ZNF469: variants seen among roughly 807,000 people sequenced by gnomAD.
The protein encoded by ZNF469 is zinc finger protein 469.
ZNF469 carries 1 observed loss-of-function variant against 1.0 expected under a neutral mutation model. The observed-to-expected ratio is 1.00, with a 90% CI of 0.35 to 4.73. ZNF469 has a LOEUF of 4.73. ZNF469 is among the 30% of genes most tolerant of loss of function. ZNF469 has a pLI of 0.16. For synonymous variants in ZNF469, 2,703 were observed against 2,363.4 expected, an observed-to-expected ratio of 1.14 and a Z score of -4.17; for missense variants, 6,100 against 5,356.3, an observed-to-expected ratio of 1.14 and a Z score of -4.33.
chr16:88,144,731 A>G, the ZNF469 span, among the ~76,000 whole-genome samples: 2 of 152,194 alleles, frequency 1.3e-5, no homozygotes, highest in African/African-American at 4.8e-5. Context: ...AGCCTCAGAC[A>G]GTGAAGTGAG....
rs929128705 is a variant in ZNF469, at chr16:88,437,549, G to T, written c.10079G>T (p.Ser3360Ile). 146 of 1,540,162 alleles carry T rather than the reference G, an allele frequency of 9.5e-5. No individual in the cohort carries two copies. The highest frequency in any genetic ancestry group is 1.7e-4 in the East Asian group (7 of 40,492). Reference protein sequence around the residue: ...FKLQRHLAVHSPQRVYLCPRC... With the variant: ...FKLQRHLAVHIPQRVYLCPRC... ...CTGCAGCGCCACCTGGCGGTGCACAGCCCGCAGCGCGTCTACCTGTGCCCC... is the reference window on the plus strand; with the variant it reads ...CTGCAGCGCCACCTGGCGGTGCACATCCCGCAGCGCGTCTACCTGTGCCCC... Residue 3360 changes from serine to isoleucine, a missense_variant, in exon 3 of 3, where the codon AGC (serine) becomes ATC (isoleucine). Transcript: ENST00000565624.
At chr16:88,164,888 T>C in the ZNF469 span, among the ~76,000 whole-genome samples, 1 of 152,178 alleles carries the variant, frequency 6.6e-6, no homozygotes, top group South Asian at 2.1e-4. Context: ...TGGGGTTGGA[T>C]CACAGTCTAC....
intron 1 of ZNF469, among the ~76,000 whole-genome samples, chr16:88,417,603 C>T (rs1905339081): frequency 6.6e-6 from 1 of 152,234 alleles, no homozygotes; most frequent in East Asian, 1.9e-4. Context: ...CGCACATGGT[C>T]CCTCTTCCTA....
At position 88,427,798 on chromosome 16, in the gene ZNF469, G is replaced by T; in HGVS notation, c.328G>T (p.Gly110Cys). 1 of 1,547,654 alleles carries T rather than the reference G, an allele frequency of 6.5e-7. No homozygotes were observed. The highest frequency in any genetic ancestry group is 8.7e-7 in the Non-Finnish European group (1 of 1,146,760). The change falls in exon 3 of 3, where the codon GGC becomes TGC. Residue 110 changes from glycine to cysteine, a missense_variant. Gly to Cys is a radical substitution (Grantham distance 159, BLOSUM62 -3). Transcript: ENST00000565624. ...CTTGCAGGCTCCCTCAAGGCTGGCG[G>T]GCAGGGCAGAGGGCAGCCCCCCACA... Reference protein sequence around the residue: ...SPLQAPSRLAGRAEGSPPQRY... With the variant: ...SPLQAPSRLACRAEGSPPQRY...
chr16:88,422,281 A>AATAGATGGATGGATGG (rs1905489853), intron 1 of ZNF469, among the ~76,000 whole-genome samples: 1 of 121,790 alleles, frequency 8.2e-6, no homozygotes, highest in African/African-American at 3.4e-5. Context: ...ATAGGTGGGT[A>AATAGATGGATGGATGG]ATGGATGGAT....
chr16:88,267,803 G>A, the ZNF469 span, among the ~76,000 whole-genome samples: 4 of 151,918 alleles, frequency 2.6e-5, no homozygotes, highest in Admixed American at 2.6e-4. Context: ...GGGCTGTTTG[G>A]GATAATGCAG....
chr16:88,277,498 G>A, the ZNF469 span, among the ~76,000 whole-genome samples: 12 of 122,412 alleles, frequency 9.8e-5, no homozygotes, highest in East Asian at 4.9e-4. Flanking sequence ...GCTGACACTC[G>A]GTCAGTACCG....
Position 88,395,914 on chromosome 16 carries a change from C to T in ZNF469, c.-192+12660C>T, listed in dbSNP as rs978837202. On this transcript the variant is annotated intron_variant, in intron 1 of 2. Transcript: ENST00000565624. ...CCATGCCCGTCTTCTGCACCTGTCC[C>T]GAGGGTCCTGACCCTGGGCCACCCC... is the stretch of plus-strand genomic sequence containing the variant. Among the ~76,000 whole-genome samples the T allele has an allele frequency of 3.3e-5, 5 of 152,342 alleles. No homozygotes were observed. In the South Asian group the frequency reaches 8.3e-4, roughly 25 times the overall value.
intron 1 of ZNF469, among the ~76,000 whole-genome samples, chr16:88,385,034 T>C (rs1006279811): frequency 3.9e-5 from 6 of 152,170 alleles, no homozygotes; most frequent in African/African-American, 1.4e-4. Context: ...ATAATTTTAA[T>C]AGGGATGGTC....
chr16:88,123,409 T>A, the ZNF469 span, among the ~76,000 whole-genome samples: 19 of 152,206 alleles, frequency 1.2e-4, no homozygotes, highest in African/African-American at 4.3e-4. Flanking sequence ...CACCTGTCGA[T>A]GAAGATTTGG....
At chr16:88,351,960 C>T in the ZNF469 span, among the ~76,000 whole-genome samples, 1 of 152,224 alleles carries the variant, frequency 6.6e-6, no homozygotes, top group Non-Finnish European at 1.5e-5. Context: ...AGGGAGGCCC[C>T]TCCGCCCCGA....
At chr16:88,409,810 G>A (rs1198029339) in intron 1 of ZNF469, among the ~76,000 whole-genome samples, 1 of 138,134 alleles carries the variant, frequency 7.2e-6, no homozygotes, top group East Asian at 2.4e-4. Context: ...AGAGGTCCTC[G>A]CTCAGTGGCC....
chr16:88,287,890 T>C, the ZNF469 span, among the ~76,000 whole-genome samples: 3 of 152,174 alleles, frequency 2.0e-5, no homozygotes, highest in Non-Finnish European at 4.4e-5. Flanking sequence ...CATTTCCTTT[T>C]CTTTATTGCA....
At chr16:88,115,465 T>G in the ZNF469 span, among the ~76,000 whole-genome samples, 2 of 151,990 alleles carry the variant, frequency 1.3e-5, no homozygotes, top group Non-Finnish European at 2.9e-5. Flanking sequence ...ACAGTGCACA[T>G]GACCCGGTCC....
the ZNF469 span, among the ~76,000 whole-genome samples, chr16:88,122,743 C>T: frequency 3.3e-5 from 5 of 152,130 alleles, no homozygotes; most frequent in South Asian, 6.2e-4. Context: ...TGTGTGTGTA[C>T]ATAAATATAC....
chr16:88,272,138 G>T, the ZNF469 span, among the ~76,000 whole-genome samples: 4 of 150,930 alleles, frequency 2.7e-5, no homozygotes, highest in African/African-American at 9.8e-5. Context: ...AAATGGGTAG[G>T]TGGATGGATA....
At chr16:88,422,638 T>G (rs1597202636) in intron 1 of ZNF469, among the ~76,000 whole-genome samples, 1 of 116,706 alleles carries the variant, frequency 8.6e-6, no homozygotes, top group Non-Finnish European at 1.7e-5. Flanking sequence ...GATGGGTGGG[T>G]GAGTGATGGA....
At chr16:88,208,086 A>C in the ZNF469 span, among the ~76,000 whole-genome samples, 1 of 152,092 alleles carries the variant, frequency 6.6e-6, no homozygotes, top group East Asian at 1.9e-4. Context: ...ATATATTTAC[A>C]TTAGTGTGGA....
chr16:88,170,334 G>A, the ZNF469 span, among the ~76,000 whole-genome samples: 2 of 152,012 alleles, frequency 1.3e-5, no homozygotes. This position sits in a 1 kb window ranked among gnomAD's most constrained non-coding sequence, Gnocchi z 4.2. Context: ...TTTCACATAC[G>A]CAATCGATTA....
Sources: gnomAD v4.1 joint callset for allele counts (sites outside exome capture counted in the v4.1 genomes callset) on GRCh38, gnomAD v4.1.1 for gene constraint, Gnocchi (gnomAD v3.1) non-coding constraint, MANE v1.5 for transcripts, NCBI Gene and HGNC (gene_info 2026-07-23, HGNC 2026-07-21) for gene names.